Variants in FNDC3B observed in about 807,000 individuals in gnomAD.
The protein encoded by FNDC3B is fibronectin type III domain containing 3B, also known as fibronectin type III domain-containing protein 3B.
In FNDC3B, 12 loss-of-function variants were observed where a neutral mutation model predicts 151.5. That is an observed-to-expected ratio of 0.08 (90% CI 0.05 to 0.13). The LOEUF (loss-of-function observed/expected upper bound fraction) is 0.13. Ranked by LOEUF, FNDC3B falls within the 10% of genes least tolerant of loss-of-function variation. The pLI is 1.00. For synonymous variants in FNDC3B, 528 were observed against 549.0 expected (o/e 0.96, Z 0.54); for missense variants, 1,214 against 1,505.3 (o/e 0.81, Z 3.20).
intron 6 of FNDC3B, among the ~76,000 whole-genome samples, chr3:172,261,441 G>C (rs1208117741): frequency 6.6e-6 from 1 of 152,200 alleles, no homozygotes; most frequent in African/African-American, 2.4e-5. Context: ...TGTATGATCA[G>C]TATTGTAATG....
At chr3:172,386,896 A>G (rs1424466628) in intron 25 of FNDC3B, among the ~76,000 whole-genome samples, 3 of 152,160 alleles carry the variant, frequency 2.0e-5, no homozygotes, top group East Asian at 1.9e-4. Flanking sequence ...TTGATTCTAC[A>G]TGGTATCACA....
intron 23 of FNDC3B, among the ~76,000 whole-genome samples, chr3:172,367,167 A>G (rs1319049025): frequency 3.3e-5 from 5 of 152,212 alleles, no homozygotes; most frequent in African/African-American, 1.2e-4. Context: ...ATCCACATTT[A>G]TAAGTGGAAG....
At chr3:172,052,315 C>T (rs1716704022) in intron 1 of FNDC3B, among the ~76,000 whole-genome samples, 1 of 151,714 alleles carries the variant, frequency 6.6e-6, no homozygotes, top group East Asian at 1.9e-4. Context: ...TGGGCTCAAG[C>T]GATCCGCCCA....
chr3:172,121,119 CCTGCCTGAA>C (rs1400980099), intron 2 of FNDC3B, among the ~76,000 whole-genome samples: 1 of 152,154 alleles, frequency 6.6e-6, no homozygotes, highest in Non-Finnish European at 1.5e-5. Context: ...AGTTTCCGAG[CCTGCCTGAA>C]CTCTGTGGTC....
At chr3:172,180,938 CA>C (rs1259935658) in intron 3 of FNDC3B, among the ~76,000 whole-genome samples, 1 of 150,760 alleles carries the variant, frequency 6.6e-6, no homozygotes, top group African/African-American at 2.4e-5. Flanking sequence ...TAGGTTGGGG[CA>C]AAAAAATATA....
At chr3:172,332,737 T>C (rs1249066555) in intron 13 of FNDC3B, among the ~76,000 whole-genome samples, 2 of 152,234 alleles carry the variant, frequency 1.3e-5, no homozygotes, top group Admixed American at 6.5e-5. Flanking sequence ...AGCCACACTT[T>C]ACTGCATAGC....
chr3:172,172,726 A>G (rs1723345943), intron 3 of FNDC3B, among the ~76,000 whole-genome samples: 1 of 152,238 alleles, frequency 6.6e-6, no homozygotes, highest in Admixed American at 6.5e-5. Flanking sequence ...TTGATGTTTC[A>G]GTGCCTATTT....
intron 3 of FNDC3B, among the ~76,000 whole-genome samples, chr3:172,154,279 A>C (rs1722373293): frequency 6.6e-6 from 1 of 151,972 alleles, no homozygotes; most frequent in South Asian, 2.1e-4. Flanking sequence ...GCAATGTTGC[A>C]ATCTTGGTGC....
intron 3 of FNDC3B, among the ~76,000 whole-genome samples, chr3:172,218,114 C>G (rs898077408): frequency 4.6e-5 from 5 of 107,962 alleles, no homozygotes; most frequent in African/African-American, 1.1e-4. Flanking sequence ...GCCAGAGAAA[C>G]GGAGAAGATC....
chr3:172,342,202 T>C (rs937845561), intron 17 of FNDC3B, among the ~76,000 whole-genome samples: 1 of 152,226 alleles, frequency 6.6e-6, no homozygotes, highest in Non-Finnish European at 1.5e-5. Flanking sequence ...AGACTGCCCA[T>C]GTAGACACTG....
At chr3:172,185,393 A>G (rs1724117856) in intron 3 of FNDC3B, among the ~76,000 whole-genome samples, 1 of 152,144 alleles carries the variant, frequency 6.6e-6, no homozygotes, top group Non-Finnish European at 1.5e-5. Flanking sequence ...GAAAACACCT[A>G]ATCCTGTGCA....
intron 3 of FNDC3B, among the ~76,000 whole-genome samples, chr3:172,195,652 A>G (rs900424299): frequency 6.6e-6 from 1 of 152,150 alleles, no homozygotes; most frequent in African/African-American, 2.4e-5. Context: ...TCTGTTCTTG[A>G]CTATTGTTTA....
At chr3:172,366,232 A>G (rs2108348903) in intron 23 of FNDC3B, among the ~76,000 whole-genome samples, 1 of 152,322 alleles carries the variant, frequency 6.6e-6, no homozygotes, top group Admixed American at 6.5e-5. Flanking sequence ...TGACCAAGAG[A>G]TTTACAAATG....
intron 3 of FNDC3B, among the ~76,000 whole-genome samples, chr3:172,148,374 T>TA (rs111712874): frequency 0.093 from 14,135 of 151,464 alleles, 1,402 homozygotes; most frequent in African/African-American, 0.25. Context: ...ATGTGGAGGG[T>TA]AAAAAAAATA....
chr3:172,346,199 GTTAA>G (rs938843545), intron 19 of FNDC3B, 124 bp from the exon 20 acceptor site: 3 of 464,824 alleles, frequency 6.5e-6, no homozygotes, highest in African/African-American at 6.0e-5. Flanking sequence ...GGTAATATTT[GTTAA>G]TTAGTTGTGT....
intron 2 of FNDC3B, among the ~76,000 whole-genome samples, chr3:172,127,239 G>T (rs1244569548): frequency 1.3e-5 from 2 of 152,238 alleles, no homozygotes; most frequent in East Asian, 3.8e-4. Flanking sequence ...TCCTAGAAGA[G>T]AACTTGTCCT....
intron 1 of FNDC3B, among the ~76,000 whole-genome samples, chr3:172,065,716 G>A (rs533326628): frequency 3.9e-5 from 6 of 152,334 alleles, no homozygotes; most frequent in African/African-American, 1.2e-4. Context: ...CCTCATGCCT[G>A]GAGTAGCTCC....
intron 1 of FNDC3B, among the ~76,000 whole-genome samples, chr3:172,062,262 C>T (rs1018941602): frequency 1.3e-5 from 2 of 151,874 alleles, no homozygotes; most frequent in Non-Finnish European, 2.9e-5. Context: ...TCTTCCTGCC[C>T]CTGTCTGTTA....
At chr3:172,239,878 TTTTTTTTTG>T (rs1182947400) in intron 4 of FNDC3B, among the ~76,000 whole-genome samples, 114 of 91,396 alleles carry the variant, frequency 1.2e-3, no homozygotes, top group African/African-American at 6.9e-3. Flanking sequence ...TTTTTTTTTT[TTTTTTTTTG>T]GGATGGAGTC....
Sources: allele counts gnomAD v4.1 joint callset (sites outside exome capture counted in the v4.1 genomes callset), GRCh38; gene constraint gnomAD v4.1.1; transcripts MANE v1.5; gene names NCBI Gene and HGNC (gene_info 2026-07-23, HGNC 2026-07-21).